Variants in MGMT observed in about 807,000 individuals in gnomAD.
MGMT encodes methylated-DNA--protein-cysteine methyltransferase.
Under a neutral mutation model 15.9 loss-of-function variants are expected in MGMT, and 14 were observed. That is an observed-to-expected ratio of 0.88 (90% CI 0.58 to 1.37). The LOEUF is 1.37. Ranked by LOEUF, MGMT falls within the 40% of genes most tolerant of loss-of-function variation. MGMT has a pLI of 0.00. For missense variants in MGMT, 282 were observed against 268.1 expected, an observed-to-expected ratio of 1.05 and a Z score of -0.36; for synonymous variants, 130 against 118.2, an observed-to-expected ratio of 1.10 and a Z score of -0.65.
intron 2 of MGMT, among the ~76,000 whole-genome samples, chr10:129,593,547 A>T (rs1846714919): frequency 6.6e-6 from 1 of 152,202 alleles, no homozygotes; most frequent in Non-Finnish European, 1.5e-5. Context: ...TAGCCATTTT[A>T]AAAAACACAG....
At chr10:129,596,282 G>A (rs1846750459) in intron 2 of MGMT, among the ~76,000 whole-genome samples, 3 of 152,128 alleles carry the variant, frequency 2.0e-5, no homozygotes, top group Admixed American at 6.5e-5. Flanking sequence ...TCAGTCATAT[G>A]TGGAAAGTCA....
At chr10:129,607,363 AC>A (rs1846904518) in intron 2 of MGMT, among the ~76,000 whole-genome samples, 1 of 152,168 alleles carries the variant, frequency 6.6e-6, no homozygotes, top group Non-Finnish European at 1.5e-5. Flanking sequence ...CTACCTAAGT[AC>A]CATTGAAGAA....
At chr10:129,474,799 C>T (rs1477577594) in intron 1 of MGMT, among the ~76,000 whole-genome samples, 2 of 152,196 alleles carry the variant, frequency 1.3e-5, no homozygotes, top group African/African-American at 2.4e-5. Context: ...TGACGTGTTT[C>T]GTGGGCTGGT....
chr10:129,539,317 G>C (rs996577233), intron 2 of MGMT, among the ~76,000 whole-genome samples: 3 of 151,818 alleles, frequency 2.0e-5, no homozygotes, highest in Admixed American at 6.6e-5. Context: ...TTTCCCTGTA[G>C]CTATTTAGTT....
At chr10:129,664,310 G>GT (rs1465134578) in intron 2 of MGMT, among the ~76,000 whole-genome samples, 1 of 152,130 alleles carries the variant, frequency 6.6e-6, no homozygotes, top group Non-Finnish European at 1.5e-5. Context: ...TAATAACTTT[G>GT]TTTTTCATAG....
chr10:129,646,950 C>T (rs1015451420), intron 2 of MGMT, among the ~76,000 whole-genome samples: 3 of 151,330 alleles, frequency 2.0e-5, no homozygotes, highest in Admixed American at 1.3e-4. Flanking sequence ...TGGCCCGTCT[C>T]GCATCTGAAC....
intron 3 of MGMT, among the ~76,000 whole-genome samples, chr10:129,731,146 G>C (rs903680644): frequency 2.0e-5 from 3 of 152,066 alleles, no homozygotes; most frequent in Admixed American, 6.5e-5. Context: ...GTGTTCTGGC[G>C]TGCCCAGGAC....
chr10:129,531,137 T>C (rs1183661815), intron 1 of MGMT, among the ~76,000 whole-genome samples: 1 of 152,118 alleles, frequency 6.6e-6, no homozygotes, highest in Non-Finnish European at 1.5e-5. Flanking sequence ...GCCTCCCCCG[T>C]TGAATGGCCC....
At chr10:129,472,026 AAC>A (rs374989289) in intron 1 of MGMT, among the ~76,000 whole-genome samples, 69 of 152,344 alleles carry the variant, frequency 4.5e-4, no homozygotes, top group Non-Finnish European at 7.1e-4. Context: ...CAGTTTTACA[AAC>A]ACACGCGAAG....
chr10:129,631,323 A>T (rs1469012546), intron 2 of MGMT, among the ~76,000 whole-genome samples: 1 of 152,188 alleles, frequency 6.6e-6, no homozygotes, highest in East Asian at 1.9e-4. Context: ...TAATTTGTTG[A>T]CCGAATGTAT....
At chr10:129,550,635 T>A (rs1358291758) in intron 2 of MGMT, among the ~76,000 whole-genome samples, 2 of 151,980 alleles carry the variant, frequency 1.3e-5, no homozygotes, top group Non-Finnish European at 2.9e-5. Context: ...TTAGTAGAGA[T>A]GGGGTTTCAC....
chr10:129,500,064 A>G (rs1845559706), intron 1 of MGMT, among the ~76,000 whole-genome samples: 1 of 152,220 alleles, frequency 6.6e-6, no homozygotes, highest in Non-Finnish European at 1.5e-5. Flanking sequence ...TCTTAAGCAT[A>G]TCTTCCTTTT....
chr10:129,513,020 C>G (rs1845701430), intron 1 of MGMT, among the ~76,000 whole-genome samples: 1 of 152,228 alleles, frequency 6.6e-6, no homozygotes, highest in Non-Finnish European at 1.5e-5. Context: ...TGTGAGTGAA[C>G]AGATACATTA....
intron 2 of MGMT, among the ~76,000 whole-genome samples, chr10:129,579,213 C>A (rs1199530315): frequency 6.6e-6 from 1 of 152,176 alleles, no homozygotes; most frequent in Non-Finnish European, 1.5e-5. Flanking sequence ...GTAACCCATT[C>A]CAAAAATTCA....
chr10:129,737,105 T>G (rs1230359310), intron 3 of MGMT, among the ~76,000 whole-genome samples: 1 of 152,118 alleles, frequency 6.6e-6, no homozygotes, highest in Non-Finnish European at 1.5e-5. Context: ...AATGTTGGCC[T>G]GCCTTGCTAG....
chr10:129,650,416 A>G (rs896211531), intron 2 of MGMT, among the ~76,000 whole-genome samples: 15 of 152,172 alleles, frequency 9.9e-5, no homozygotes, highest in African/African-American at 2.9e-4. Context: ...CCAGGGTGCT[A>G]TTCTTACCTT....
Position 129,520,426 on chromosome 10 carries a change from ATACAGAGCCCCTATGGTGCGAG to A in MGMT, c.-12-15802_-12-15781del, listed in dbSNP as rs1317316156. Among the ~76,000 whole-genome samples the A allele has an allele frequency of 9.8e-5, 12 of 122,878 alleles. No individual in the cohort carries two copies. The Admixed American group carries it at 1.0e-3, about 10-fold the overall frequency. 80.6% of individuals were successfully genotyped at this position (122,878 alleles called of 152,430 possible). ...CTCCTTGTCTACTCCTACCGTGCGCATACAGAGCCCCTATGGTGCGAGTACAGAGCCCCTGTGGTGCATGTAC... is the reference window on the plus strand; with the variant it reads ...CTCCTTGTCTACTCCTACCGTGCGCATACAGAGCCCCTGTGGTGCATGTAC... On this transcript the variant is annotated intron_variant, in intron 1 of 4. Coordinates refer to ENST00000651593, the MANE Select transcript of MGMT (RefSeq NM_002412.5).
intron 2 of MGMT, among the ~76,000 whole-genome samples, chr10:129,607,746 C>A (rs1041539629): frequency 1.3e-5 from 2 of 152,196 alleles, no homozygotes; most frequent in African/African-American, 2.4e-5. Flanking sequence ...GTGCGAATTT[C>A]TGATGAAATT....
At chr10:129,598,420 A>T (rs1846778007) in intron 2 of MGMT, among the ~76,000 whole-genome samples, 1 of 123,838 alleles carries the variant, frequency 8.1e-6, no homozygotes, top group South Asian at 3.2e-4. Context: ...CTTGTCAAGT[A>T]GGCCTGGGGT....
Sources: gnomAD v4.1 joint callset for allele counts (sites outside exome capture counted in the v4.1 genomes callset) on GRCh38, gnomAD v4.1.1 for gene constraint, MANE v1.5 for transcripts, NCBI Gene and HGNC (gene_info 2026-07-23, HGNC 2026-07-21) for gene names.